Variants in NRG3 observed in about 807,000 individuals in gnomAD.
NRG3 encodes pro-neuregulin-3, membrane-bound isoform.
Under a neutral mutation model 66.9 loss-of-function variants are expected in NRG3, and 31 were observed. The observed-to-expected ratio is 0.46, with a 90% CI of 0.35 to 0.63. NRG3 has a LOEUF of 0.63. Among genes scored for constraint, NRG3 ranks in the 20% least tolerant of loss-of-function variants. The pLI, the probability that NRG3 is intolerant of heterozygous loss-of-function variation, is 0.00. For synonymous variants in NRG3, 393 were observed against 359.4 expected, an observed-to-expected ratio of 1.09 and a Z score of -1.06; for missense variants, 910 against 878.9, an observed-to-expected ratio of 1.04 and a Z score of -0.45.
intron 2 of NRG3, among the ~76,000 whole-genome samples, chr10:82,590,635 C>T (rs754860332): frequency 2.4e-4 from 36 of 152,138 alleles, no homozygotes; most frequent in Non-Finnish European, 4.7e-4. Context: ...TGCTGCAAAA[C>T]TCCATTAACA....
At chr10:82,709,627 C>T (rs2056536885) in intron 2 of NRG3, among the ~76,000 whole-genome samples, 1 of 152,078 alleles carries the variant, frequency 6.6e-6, no homozygotes, top group South Asian at 2.1e-4. Flanking sequence ...GATCCCCCCG[C>T]CTCGGCCTCC....
chr10:82,626,011 G>A (rs1399957027), intron 2 of NRG3, among the ~76,000 whole-genome samples: 1 of 152,084 alleles, frequency 6.6e-6, no homozygotes. Flanking sequence ...CATTTACAGG[G>A]CTTAATCAAG....
intron 4 of NRG3, among the ~76,000 whole-genome samples, chr10:82,899,635 A>G (rs3862553): frequency 0.36 from 54,787 of 152,020 alleles, 10,332 homozygotes; most frequent in East Asian, 0.54. Flanking sequence ...ATAGACAAAT[A>G]TAATCGTTTA....
At chr10:82,065,171 A>T (rs1554898653) in intron 1 of NRG3, among the ~76,000 whole-genome samples, 1 of 152,110 alleles carries the variant, frequency 6.6e-6, no homozygotes, top group Non-Finnish European at 1.5e-5. Context: ...TCCGTAGGAG[A>T]CATATTTACG....
intron 2 of NRG3, among the ~76,000 whole-genome samples, chr10:82,595,576 G>A (rs2047223694): frequency 6.6e-6 from 1 of 152,056 alleles, no homozygotes; most frequent in East Asian, 1.9e-4. Context: ...ACAAGGTCAG[G>A]AGATCAAGAC....
rs566667493 is a variant in NRG3 at position 82,709,758 on chromosome 10, AT to A, written c.954-28818del. ...TTACTTTATTTCCCTGTTTCATTGA[AT>A]CACTTTCAGCCCTCTGTTTCTTGCA... On this transcript the variant is annotated intron_variant, in intron 2 of 8. Coordinates refer to ENST00000372141, the MANE Select transcript of NRG3 (RefSeq NM_001010848.4). Among the ~76,000 whole-genome samples, 59 of 152,274 alleles carry A rather than the reference AT, an allele frequency of 3.9e-4. 1 individual carries two copies. The South Asian group carries it at 0.012, about 30-fold the overall frequency.
intron 3 of NRG3, among the ~76,000 whole-genome samples, chr10:82,761,487 A>T (rs1452510468): frequency 6.6e-6 from 1 of 152,102 alleles, no homozygotes; most frequent in Non-Finnish European, 1.5e-5. Flanking sequence ...CAAAGCTGCA[A>T]TAACAAACAT....
intron 5 of NRG3, among the ~76,000 whole-genome samples, chr10:82,958,185 T>A (rs1181125463): frequency 2.0e-5 from 3 of 152,170 alleles, no homozygotes; most frequent in Admixed American, 2.0e-4. Flanking sequence ...TTGAAGAGTG[T>A]AAACTATGGA....
At chr10:82,960,486 AAAGAAAGAAGTAAAATTATATTTGTTTGT>A (rs1242796698) in intron 6 of NRG3, among the ~76,000 whole-genome samples, 1 of 148,208 alleles carries the variant, frequency 6.7e-6, no homozygotes, top group Non-Finnish European at 1.5e-5. Flanking sequence ...TTTTTTTGAG[AAAGAAAGAAGTAAAATTATATTTGTTTGT>A]AAATGACATG....
At chr10:82,877,855 A>G (rs1841977061) in intron 4 of NRG3, among the ~76,000 whole-genome samples, 1 of 152,212 alleles carries the variant, frequency 6.6e-6, no homozygotes, top group South Asian at 2.1e-4. Flanking sequence ...GTTCACATAC[A>G]TGTGGAAAAC....
intron 2 of NRG3, among the ~76,000 whole-genome samples, chr10:82,581,055 C>T (rs1230138499): frequency 2.0e-5 from 3 of 151,972 alleles, no homozygotes; most frequent in Non-Finnish European, 4.4e-5. Context: ...GTACCATTTA[C>T]ATTCCCACCA....
chr10:82,917,051 TAC>T, intron 4 of NRG3, among the ~76,000 whole-genome samples: 1 of 152,366 alleles, frequency 6.6e-6, no homozygotes, highest in South Asian at 2.1e-4. Flanking sequence ...TTTCCATTTC[TAC>T]ACAGTGGTGG....
At chr10:82,225,659 A>G (rs1203430304) in intron 1 of NRG3, 1 of 152,210 alleles carries the variant, frequency 6.6e-6, no homozygotes, top group Non-Finnish European at 1.5e-5. Context: ...TGATTATGAG[A>G]AAGAGATAAC....
intron 1 of NRG3, among the ~76,000 whole-genome samples, chr10:82,156,765 A>G (rs2071218878): frequency 6.6e-6 from 1 of 151,588 alleles, no homozygotes; most frequent in Admixed American, 6.6e-5. Context: ...TGTTACTTTT[A>G]TAGGTTTTTT....
At chr10:82,613,619 T>C (rs1331959316) in intron 2 of NRG3, among the ~76,000 whole-genome samples, 1 of 151,854 alleles carries the variant, frequency 6.6e-6, no homozygotes, top group Admixed American at 6.6e-5. Flanking sequence ...CCCAAATAGA[T>C]ACAGTTGTGA....
At chr10:82,130,692 C>T (rs1296021450) in intron 1 of NRG3, among the ~76,000 whole-genome samples, 4 of 152,076 alleles carry the variant, frequency 2.6e-5, no homozygotes, top group East Asian at 1.9e-4. Flanking sequence ...TCCACATTCT[C>T]GCCAGCATTT....
intron 2 of NRG3, among the ~76,000 whole-genome samples, chr10:82,725,027 C>G (rs2057520258): frequency 6.6e-6 from 1 of 152,176 alleles, no homozygotes; most frequent in African/African-American, 2.4e-5. Context: ...CATTACCACC[C>G]TCCAGATGAG....
chr10:82,237,837 C>A (rs983700106), intron 1 of NRG3, among the ~76,000 whole-genome samples: 1 of 152,026 alleles, frequency 6.6e-6, no homozygotes, highest in Non-Finnish European at 1.5e-5. Flanking sequence ...TTTTCCAAAT[C>A]TAGTAACAGG....
rs150606106 is a variant in NRG3 at position 82,709,362 on chromosome 10, TTTTG to T, written c.954-29211_954-29208del. On this transcript the variant is annotated intron_variant, in intron 2 of 8. Transcript: ENST00000372141. ...TTGTTTGTTCCAGCAGCTGGTTTTT[TTTTG>T]TTTTTGTTTTTTGTTTGTTTGTTTG... is the stretch of plus-strand genomic sequence containing the variant. 7.0e-3 allele frequency among the ~76,000 whole-genome samples: 1,060 copies of T among 150,810 alleles called. 8 individuals carry two copies. The highest frequency in any genetic ancestry group is 0.024 in the African/African-American group (1,000 of 41,062).
Sources: gnomAD v4.1 joint callset for allele counts (sites outside exome capture counted in the v4.1 genomes callset) on GRCh38, gnomAD v4.1.1 for gene constraint, MANE v1.5 for transcripts, NCBI Gene and HGNC (gene_info 2026-07-23, HGNC 2026-07-21) for gene names.